Variants in MPP7 observed in about 807,000 individuals in gnomAD.
MPP7 encodes MAGUK p55 scaffold protein 7.
In MPP7, 60 loss-of-function variants were observed where a neutral mutation model predicts 76.5. The observed-to-expected ratio is 0.78, with a 90% CI of 0.64 to 0.97. MPP7 has a LOEUF of 0.97. MPP7 is among the 50% of genes least tolerant of loss of function. MPP7 has a pLI of 0.00. For missense variants in MPP7, 641 were observed against 694.0 expected (o/e 0.92, Z 0.86); for synonymous variants, 237 against 244.5 (o/e 0.97, Z 0.29).
At chr10:28,171,220 A>T (rs1836670290) in intron 3 of MPP7, among the ~76,000 whole-genome samples, 1 of 152,210 alleles carries the variant, frequency 6.6e-6, no homozygotes. Flanking sequence ...GACATTAAAC[A>T]ACTAATTACA....
intron 1 of MPP7, among the ~76,000 whole-genome samples, chr10:28,264,141 T>A (rs1010400396): frequency 2.0e-5 from 3 of 151,736 alleles, no homozygotes; most frequent in African/African-American, 4.8e-5. Flanking sequence ...TACAAAAAAA[T>A]TTTGAAAATT....
intron 3 of MPP7, among the ~76,000 whole-genome samples, chr10:28,153,321 G>T (rs528098142): frequency 1.3e-5 from 2 of 152,266 alleles, no homozygotes; most frequent in East Asian, 3.9e-4. Context: ...GGAGGAAGCA[G>T]AGAAGGAGAT....
At position 28,069,945 on chromosome 10, in the gene MPP7, A is replaced by G. The variant is rs886940318; in HGVS notation, c.1124-93T>C. On this transcript the variant is annotated intron_variant, in intron 12 of 16. Coordinates refer to ENST00000683449, the MANE Select transcript of MPP7 (RefSeq NM_001318170.2). ...TGAGTCTCTAAGACAGACTGAAAAC[A>G]TGGATCCAGCTTTGCATCCTAAGTA... 6 of 847,008 alleles carry G rather than the reference A, an allele frequency of 7.1e-6. No homozygotes were observed. In the African/African-American group the frequency reaches 9.9e-5, roughly 14 times the overall value. 52.5% of individuals were successfully genotyped at this position (847,008 alleles called of 1,614,324 possible). A position where few individuals can be genotyped will look rare whatever the true frequency, so the allele number is the denominator to read the frequency against.
At chr10:28,059,519 T>G in intron 14 of MPP7, 131 bp downstream of exon 14, 2 of 584,632 alleles carry the variant, frequency 3.4e-6, no homozygotes, top group South Asian at 4.9e-5. Flanking sequence ...TTATTACCTT[T>G]TCATCTGTTT....
chr10:28,311,522 T>A (rs1841289369), intron 2 of MPP7, among the ~76,000 whole-genome samples: 1 of 152,204 alleles, frequency 6.6e-6, no homozygotes, highest in African/African-American at 2.4e-5. Flanking sequence ...AGCCTCTGCC[T>A]GTTTGTGATT....
At chr10:28,247,258 T>C (rs762775338) in intron 1 of MPP7, among the ~76,000 whole-genome samples, 1 of 152,226 alleles carries the variant, frequency 6.6e-6, no homozygotes, top group Non-Finnish European at 1.5e-5. Flanking sequence ...AACAGACTCA[T>C]GTAAATTGTC....
intron 3 of MPP7, among the ~76,000 whole-genome samples, chr10:28,167,175 G>A (rs1836501433): frequency 1.3e-5 from 2 of 152,070 alleles, no homozygotes; most frequent in South Asian, 4.1e-4. Context: ...GCCAGGCGTG[G>A]TGGCATGCAC....
chr10:28,242,523 T>C (rs1839304149), intron 1 of MPP7, among the ~76,000 whole-genome samples: 1 of 152,230 alleles, frequency 6.6e-6, no homozygotes, highest in Non-Finnish European at 1.5e-5. Flanking sequence ...AGACATCTGC[T>C]TATATAAAAT....
chr10:28,164,174 A>G (rs889025422), intron 3 of MPP7, among the ~76,000 whole-genome samples: 1 of 152,108 alleles, frequency 6.6e-6, no homozygotes, highest in African/African-American at 2.4e-5. Context: ...AATGAACTGA[A>G]GAGAAAGAAA....
At chr10:28,145,364 C>T (rs569224263) in intron 5 of MPP7, among the ~76,000 whole-genome samples, 7 of 152,202 alleles carry the variant, frequency 4.6e-5, no homozygotes, top group Non-Finnish European at 8.8e-5. Flanking sequence ...CAAATTAACA[C>T]ACTAGAGTTA....
intron 2 of MPP7, among the ~76,000 whole-genome samples, chr10:28,224,904 T>G (rs1838638362): frequency 6.6e-6 from 1 of 152,196 alleles, no homozygotes; most frequent in African/African-American, 2.4e-5. Flanking sequence ...TTAAAAATTG[T>G]GAGAGCCACT....
intron 5 of MPP7, among the ~76,000 whole-genome samples, chr10:28,133,043 A>G (rs1041394074): frequency 6.6e-6 from 1 of 152,208 alleles, no homozygotes; most frequent in African/African-American, 2.4e-5. Flanking sequence ...TCCATTGTCT[A>G]TGGCCGCTGT....
At chr10:28,153,124 C>T (rs916303686) in intron 3 of MPP7, among the ~76,000 whole-genome samples, 24 of 152,092 alleles carry the variant, frequency 1.6e-4, no homozygotes, top group African/African-American at 5.5e-4. Flanking sequence ...CATGATGGCG[C>T]ATACCTATAG....
chr10:28,320,459 G>A (rs764339072), intron 2 of MPP7, among the ~76,000 whole-genome samples: 21 of 151,078 alleles, frequency 1.4e-4, no homozygotes, highest in Non-Finnish European at 3.0e-4. Flanking sequence ...AATCTTATAG[G>A]GGAAAAAAGA....
At chr10:28,283,800 C>T (rs776001392) in intron 1 of MPP7, among the ~76,000 whole-genome samples, 24 of 152,182 alleles carry the variant, frequency 1.6e-4, no homozygotes, top group Non-Finnish European at 1.0e-4. Flanking sequence ...CAGGGGTGAG[C>T]CGTCACGCCC....
chr10:28,253,785 C>G (rs1420891529), intron 1 of MPP7, among the ~76,000 whole-genome samples: 3 of 151,802 alleles, frequency 2.0e-5, no homozygotes, highest in South Asian at 4.2e-4. Flanking sequence ...CACTTGAGCT[C>G]AGGAGTTCAA....
chr10:28,258,382 T>TTATATATATATATA (rs59151395), intron 1 of MPP7, among the ~76,000 whole-genome samples: 3 of 141,262 alleles, frequency 2.1e-5, no homozygotes, highest in Non-Finnish European at 3.1e-5. Context: ...ATATTAAATA[T>TTATATATATATATA]TATATATATA....
At chr10:28,217,444 T>C (rs1057295404) in intron 2 of MPP7, among the ~76,000 whole-genome samples, 6 of 151,158 alleles carry the variant, frequency 4.0e-5, no homozygotes, top group Non-Finnish European at 2.9e-5. Flanking sequence ...CGAGAATCGC[T>C]TGAACCCGGG....
chr10:28,169,216 C>A (rs1164859423), intron 3 of MPP7, among the ~76,000 whole-genome samples: 1 of 151,976 alleles, frequency 6.6e-6, no homozygotes, highest in Non-Finnish European at 1.5e-5. Context: ...ACTAGCCAGG[C>A]ATAGTGGTCC....
Sources: allele counts gnomAD v4.1 joint callset (sites outside exome capture counted in the v4.1 genomes callset), GRCh38; gene constraint gnomAD v4.1.1; transcripts MANE v1.5; gene names NCBI Gene and HGNC (gene_info 2026-07-23, HGNC 2026-07-21).